ATP12A: variants seen among roughly 807,000 people sequenced by gnomAD.
The protein encoded by ATP12A is ATPase H+/K+ transporting non-gastric alpha2 subunit.
ATP12A carries 81 observed loss-of-function variants against 111.2 expected under a neutral mutation model. The ratio of observed to expected loss-of-function variants is 0.73; its 90% confidence interval spans 0.61 to 0.88. The LOEUF is 0.88. Ranked by LOEUF, ATP12A falls within the 40% of genes least tolerant of loss-of-function variation. The probability of loss-of-function intolerance (pLI) is 0.00; values close to 1 mark genes in which losing one functional copy is unlikely to be tolerated. For synonymous variants in ATP12A, 498 were observed against 499.8 expected, an observed-to-expected ratio of 1.00 and a Z score of 0.05; for missense variants, 1,196 against 1,313.1, an observed-to-expected ratio of 0.91 and a Z score of 1.38.
rs201934656 is a variant in ATP12A at position 24,688,292 on chromosome 13, T to C, written c.229-27T>C. 2.1e-5 allele frequency: 34 copies of C among 1,594,290 alleles called. No individual in the cohort carries two copies. The Admixed American group carries it at 5.2e-4, about 24-fold the overall frequency. ...GTCTAATTCGTATTTGTTTTGGTTG[T>C]GCATGTGCTTTGTTTGGCTTTCCCA... is the stretch of plus-strand genomic sequence containing the variant. On this transcript the variant is annotated intron_variant, in intron 3 of 22. Transcript: ENST00000381946.
chr13:24,682,932 A>G, intron 2 of ATP12A, among the ~76,000 whole-genome samples: 1 of 151,216 alleles, frequency 6.6e-6, no homozygotes, highest in East Asian at 2.0e-4. Context: ...ATTATTAAGG[A>G]AGAGCTCTGG....
chr13:24,702,731 T>C (rs1415586280), intron 14 of ATP12A, among the ~76,000 whole-genome samples: 1 of 152,226 alleles, frequency 6.6e-6, no homozygotes. Flanking sequence ...AGTAGCAAAC[T>C]GAACAATACT....
intron 11 of ATP12A, among the ~76,000 whole-genome samples, chr13:24,697,101 C>G: frequency 6.6e-6 from 1 of 152,208 alleles, no homozygotes; most frequent in East Asian, 1.9e-4. Context: ...GCCTGCTAGC[C>G]TGGGCTCAAA....
intron 4 of ATP12A, among the ~76,000 whole-genome samples, chr13:24,688,826 G>A (rs1191197881): frequency 6.6e-6 from 1 of 152,156 alleles, no homozygotes; most frequent in Non-Finnish European, 1.5e-5. Context: ...TGTGCCTGCC[G>A]AGACATGAGT....
Position 24,680,508 on chromosome 13 carries a change from G to A in ATP12A, c.-236G>A. The A allele has an allele frequency of 2.1e-6, 1 of 478,124 alleles. No homozygotes were observed. The highest frequency in any genetic ancestry group is 3.5e-5 in the South Asian group (1 of 28,460). The allele number at this position is 478,124 out of a possible 1,614,324, so 29.6% of individuals were successfully genotyped here. ...CGAGGCGTCCGCTGGCCTGCGCCCTGGCGGGGACGTGGGCGGGGCGGGCGG... is the reference window on the plus strand; with the variant it reads ...CGAGGCGTCCGCTGGCCTGCGCCCTAGCGGGGACGTGGGCGGGGCGGGCGG... On this transcript the variant is annotated 5_prime_UTR_variant, in exon 1 of 23. Coordinates refer to ENST00000381946, the MANE Select transcript of ATP12A (RefSeq NM_001676.7).
chr13:24,710,211 C>G lies in ATP12A; in HGVS notation c.2764-249C>G, dbSNP rs147712878. Among the ~76,000 whole-genome samples the G allele has an allele frequency of 2.8e-4, 43 of 152,260 alleles. 1 individual carries two copies. Among genetic ancestry groups the G allele is most frequent in the African/African-American group, 9.6e-4 (40 of 41,548 alleles). On this transcript the variant is annotated intron_variant, in intron 19 of 22. Transcript: ENST00000381946. ...CTTGAGCCCAGGAGTTTGAGACCAG[C>G]CTGGCCAACACAGTGAGACCCTGCC...
chr13:24,686,267 C>T lies in ATP12A; in HGVS notation c.228+894C>T, dbSNP rs534871762. Among the ~76,000 whole-genome samples the T allele has an allele frequency of 2.7e-3, 405 of 151,920 alleles. 2 individuals are homozygous for T. The highest frequency in any genetic ancestry group is 9.5e-3 in the African/African-American group (392 of 41,396). The stretch of plus-strand genomic sequence containing the variant: ...CAGCCTGACCAACATAGTGAAACCC[C>T]GTTTCTACTAAAAATACAAACAATT... On this transcript the variant is annotated intron_variant, in intron 3 of 22. Coordinates refer to ENST00000381946, the MANE Select transcript of ATP12A (RefSeq NM_001676.7).
intron 11 of ATP12A, among the ~76,000 whole-genome samples, chr13:24,696,853 C>T (rs1345491305): frequency 6.6e-6 from 1 of 151,980 alleles, no homozygotes; most frequent in Non-Finnish European, 1.5e-5. Flanking sequence ...TCAGCCTCAC[C>T]AGGGCTTTAG....
chr13:24,694,934 T>C (rs534446133), intron 11 of ATP12A, among the ~76,000 whole-genome samples: 1 of 152,140 alleles, frequency 6.6e-6, no homozygotes, highest in Non-Finnish European at 1.5e-5. Context: ...GCAGCAGCCA[T>C]ACTCCAAAGC....
intron 2 of ATP12A, 98 bp downstream of exon 2, chr13:24,681,818 G>T: frequency 6.8e-7 from 1 of 1,478,038 alleles, no homozygotes; most frequent in East Asian, 2.4e-5. Context: ...TTCAGTCTGA[G>T]GGATTTGAAA....
chr13:24,694,322 C>G, intron 10 of ATP12A, 122 bp from the exon 11 acceptor site: 1 of 1,284,108 alleles, frequency 7.8e-7, no homozygotes, highest in Non-Finnish European at 1.1e-6. Context: ...TCCCTGATCA[C>G]GTGATAATGT....
chr13:24,710,954 C>T, intron 21 of ATP12A, 61 bp downstream of exon 21: 1 of 1,440,880 alleles, frequency 6.9e-7, no homozygotes, highest in Non-Finnish European at 9.7e-7. Context: ...CTGTCGCAGC[C>T]TAAATAAACC....
chr13:24,688,612 C>A, intron 4 of ATP12A, 90 bp downstream of exon 4: 1 of 1,268,312 alleles, frequency 7.9e-7, no homozygotes, highest in Non-Finnish European at 1.1e-6. Flanking sequence ...ATGCCACTGC[C>A]TAGGTGTGGG....
chr13:24,685,449 C>T lies in ATP12A; in HGVS notation c.228+76C>T. 1 of 1,496,958 alleles carries T rather than the reference C, an allele frequency of 6.7e-7. No homozygotes were observed. The highest frequency in any genetic ancestry group is 9.3e-7 in the Non-Finnish European group (1 of 1,074,370). 92.7% of individuals were successfully genotyped at this position (1,496,958 alleles called of 1,614,324 possible). A position where few individuals can be genotyped will look rare whatever the true frequency, so the allele number is the denominator to read the frequency against. On this transcript the variant is annotated intron_variant, in intron 3 of 22. Coordinates refer to ENST00000381946, the MANE Select transcript of ATP12A (RefSeq NM_001676.7). This position sits in a 1 kb window ranked among gnomAD's most constrained non-coding sequence, Gnocchi z 5.5. ...AGGGAAGGCTGTGTGTGGCGGGGGG[C>T]TGTGTGGAAGAGTAGCGGCACCTTT...
intron 14 of ATP12A, chr13:24,704,800 C>G (rs1875551589): frequency 6.0e-6 from 1 of 166,334 alleles, no homozygotes; most frequent in Admixed American, 6.3e-5. Flanking sequence ...CTCTTGGTCA[C>G]TGCCACTCTG....
chr13:24,704,328 A>T (rs1252444006), intron 14 of ATP12A: 1 of 152,290 alleles, frequency 6.6e-6, no homozygotes, highest in East Asian at 1.9e-4. Context: ...AAAGTTGTAT[A>T]TAAGATACCT....
Position 24,696,738 on chromosome 13 carries a change from A to G in ATP12A, c.1513-1920A>G, listed in dbSNP as rs1593138125. Among the ~76,000 whole-genome samples the G allele has an allele frequency of 7.0e-5, 4 of 57,360 alleles. 2 individuals carry two copies. In the South Asian group the frequency reaches 3.8e-3, roughly 54 times the overall value. 37.6% of individuals were successfully genotyped at this position (57,360 alleles called of 152,430 possible). ...CGTCTCAAAAAAAAAAAAAAAAAAA[A>G]AAAAAAAAGAAAGGGGAGAGGGGCT... On this transcript the variant is annotated intron_variant, in intron 11 of 22. Transcript: ENST00000381946.
intron 7 of ATP12A, 49 bp downstream of exon 7, chr13:24,690,770 C>A: frequency 6.5e-7 from 1 of 1,543,684 alleles, no homozygotes; most frequent in South Asian, 1.2e-5. Flanking sequence ...TGTCCTTTCT[C>A]CCTCCTGGGC....
chr13:24,699,512 T>G (rs1875304536), intron 12 of ATP12A, among the ~76,000 whole-genome samples: 1 of 152,140 alleles, frequency 6.6e-6, no homozygotes, highest in Non-Finnish European at 1.5e-5. Flanking sequence ...GTGATGGGAA[T>G]GGGAAGGAGA....
Sources: allele counts gnomAD v4.1 joint callset (sites outside exome capture counted in the v4.1 genomes callset), GRCh38; gene constraint gnomAD v4.1.1; non-coding constraint Gnocchi (gnomAD v3.1); transcripts MANE v1.5; gene names NCBI Gene and HGNC (gene_info 2026-07-23, HGNC 2026-07-21).